The following FAM241A variants were observed in gnomAD, a reference collection of about 807,000 sequenced individuals.
The protein encoded by FAM241A is uncharacterized protein FAM241A.
Under a neutral mutation model 12.2 loss-of-function variants are expected in FAM241A, and 7 were observed. The observed-to-expected ratio is 0.58, with a 90% CI of 0.33 to 1.08. The LOEUF is 1.08. Ranked by LOEUF, FAM241A falls within the 50% of genes least tolerant of loss-of-function variation. FAM241A has a pLI of 0.04. For missense variants in FAM241A, 161 were observed against 169.7 expected (o/e 0.95, Z 0.29); for synonymous variants, 74 against 68.2 (o/e 1.08, Z -0.42).
intron 1 of FAM241A, among the ~76,000 whole-genome samples, chr4:112,155,346 T>A (rs66469761): frequency 2.0e-5 from 3 of 151,780 alleles, no homozygotes; most frequent in Admixed American, 1.3e-4. Flanking sequence ...GGTATTTTTC[T>A]GTTTATAATC....
At chr4:112,154,467 C>T (rs956365826) in intron 1 of FAM241A, among the ~76,000 whole-genome samples, 13 of 151,914 alleles carry the variant, frequency 8.6e-5, no homozygotes, top group Non-Finnish European at 1.9e-4. Flanking sequence ...GGAGTTTTGC[C>T]GTGTTGCCCA....
Position 112,192,764 on chromosome 4 carries a change from G to A in FAM241A, c.*5826G>A, listed in dbSNP as rs1724192928. The stretch of plus-strand genomic sequence containing the variant: ...TCTATCATTGTTGGACATTTGGGTT[G>A]GTTCCAAGTCTTTGCTATTGTGAAT... On this transcript the variant is annotated 3_prime_UTR_variant, in exon 2 of 2. Transcript: ENST00000309733. 6.6e-6 allele frequency: 1 copy of A among 150,966 alleles called. No individual in the cohort carries two copies. The highest frequency in any genetic ancestry group is 2.4e-5 in the African/African-American group (1 of 40,988). The allele number at this position is 150,966 out of a possible 1,614,324, so 9.4% of individuals were successfully genotyped here.
intron 1 of FAM241A, among the ~76,000 whole-genome samples, chr4:112,165,696 T>C (rs576488245): frequency 6.6e-6 from 1 of 152,232 alleles, no homozygotes; most frequent in East Asian, 1.9e-4. Flanking sequence ...TTGTGGGATC[T>C]AAAAATCAAA....
intron 1 of FAM241A, among the ~76,000 whole-genome samples, chr4:112,150,758 G>T (rs1222895187): frequency 6.6e-6 from 1 of 152,178 alleles, no homozygotes; most frequent in Admixed American, 6.5e-5. Flanking sequence ...TGTAACTTTA[G>T]GCAAGTAACT....
chr4:112,173,301 TATAA>T (rs1560583986), intron 1 of FAM241A, among the ~76,000 whole-genome samples: 1 of 152,230 alleles, frequency 6.6e-6, no homozygotes. Context: ...CCCAGAGAGT[TATAA>T]ATAATGATAG....
At chr4:112,176,834 T>C (rs1244428045) in intron 1 of FAM241A, among the ~76,000 whole-genome samples, 3 of 152,174 alleles carry the variant, frequency 2.0e-5, no homozygotes, top group Middle Eastern at 3.2e-3. Context: ...ACTGTACATT[T>C]GACAAATGTT....
At chr4:112,148,748 G>A (rs1723188569) in intron 1 of FAM241A, among the ~76,000 whole-genome samples, 8 of 152,222 alleles carry the variant, frequency 5.3e-5, no homozygotes, top group Admixed American at 5.2e-4. Flanking sequence ...ATCCAAGTAT[G>A]TTCATGAGGG....
At chr4:112,153,126 A>G (rs944983167) in intron 1 of FAM241A, among the ~76,000 whole-genome samples, 1 of 152,218 alleles carries the variant, frequency 6.6e-6, no homozygotes, top group Non-Finnish European at 1.5e-5. Context: ...CAATGTATCT[A>G]ATGTTTAGAA....
intron 1 of FAM241A, among the ~76,000 whole-genome samples, chr4:112,161,874 C>T (rs568969618): frequency 1.1e-4 from 17 of 152,212 alleles, no homozygotes; most frequent in African/African-American, 2.4e-4. Flanking sequence ...AATTTTAGAC[C>T]GATACCCATG....
chr4:112,185,699 C>A (rs1341881891), intron 1 of FAM241A, among the ~76,000 whole-genome samples: 2 of 152,150 alleles, frequency 1.3e-5, no homozygotes, highest in Admixed American at 6.5e-5. Flanking sequence ...GACCTGGGAA[C>A]CAGGTATCTG....
chr4:112,176,233 A>G (rs1303444909), intron 1 of FAM241A, among the ~76,000 whole-genome samples: 10 of 152,236 alleles, frequency 6.6e-5, no homozygotes, highest in Non-Finnish European at 1.5e-4. Context: ...AAAGATAATC[A>G]CTAAGGCATT....
At chr4:112,181,223 G>A (rs1455853562) in intron 1 of FAM241A, among the ~76,000 whole-genome samples, 1 of 152,000 alleles carries the variant, frequency 6.6e-6, no homozygotes, top group Non-Finnish European at 1.5e-5. Flanking sequence ...GCTAAGTAAT[G>A]TCCACAACAG....
intron 1 of FAM241A, among the ~76,000 whole-genome samples, chr4:112,149,167 G>A (rs1723197430): frequency 6.6e-6 from 1 of 151,912 alleles, no homozygotes; most frequent in Admixed American, 6.6e-5. Flanking sequence ...ATGTGTATAT[G>A]CATATATACA....
intron 1 of FAM241A, among the ~76,000 whole-genome samples, chr4:112,170,922 A>G (rs758345185): frequency 1.6e-4 from 24 of 150,924 alleles, no homozygotes; most frequent in Non-Finnish European, 2.5e-4. Context: ...GAAGTGCTCA[A>G]TGTGCTTAGT....
chr4:112,176,931 A>G (rs1177866751), intron 1 of FAM241A, among the ~76,000 whole-genome samples: 3 of 152,170 alleles, frequency 2.0e-5, no homozygotes, highest in Non-Finnish European at 2.9e-5. Flanking sequence ...AGCTCCATCT[A>G]TATTTCTGCA....
Position 112,187,089 on chromosome 4 carries a change from TAAAAC to T in FAM241A, c.*152_*156del, listed in dbSNP as rs1444772975. The T allele has an allele frequency of 1.2e-5, 9 of 776,324 alleles. No individual in the cohort carries two copies. The highest frequency in any genetic ancestry group is 1.7e-5 in the African/African-American group (1 of 57,412). 48.1% of individuals were successfully genotyped at this position (776,324 alleles called of 1,614,324 possible). ...AGTAAATTTATACATGGATGTCACT[TAAAAC>T]TAAACTCTTGATCATAACAGGGTTG... On this transcript the variant is annotated 3_prime_UTR_variant, in exon 2 of 2. Transcript: ENST00000309733.
chr4:112,176,371 T>C (rs1262546088), intron 1 of FAM241A, among the ~76,000 whole-genome samples: 1 of 152,226 alleles, frequency 6.6e-6, no homozygotes, highest in Non-Finnish European at 1.5e-5. Flanking sequence ...TTATCTGTTT[T>C]CTTATCACAA....
chr4:112,148,383 T>C (rs1233574088), intron 1 of FAM241A, among the ~76,000 whole-genome samples: 1 of 152,150 alleles, frequency 6.6e-6, no homozygotes, highest in Non-Finnish European at 1.5e-5. Context: ...AGTATTAACA[T>C]AGGTGTTTTA....
At chr4:112,170,173 T>C (rs1159435482) in intron 1 of FAM241A, among the ~76,000 whole-genome samples, 1 of 152,202 alleles carries the variant, frequency 6.6e-6, no homozygotes, top group African/African-American at 2.4e-5. Context: ...AAAGGCAGCC[T>C]TTCCATGATC....
Sources: gnomAD v4.1 joint callset for allele counts (sites outside exome capture counted in the v4.1 genomes callset) on GRCh38, gnomAD v4.1.1 for gene constraint, MANE v1.5 for transcripts, NCBI Gene and HGNC (gene_info 2026-07-23, HGNC 2026-07-21) for gene names.